Variants in FBXO36 observed in about 807,000 individuals in gnomAD.
FBXO36 encodes F-box only protein 36.
FBXO36 carries 18 observed loss-of-function variants against 17.0 expected under a neutral mutation model. That is an observed-to-expected ratio of 1.06 (90% CI 0.73 to 1.57). FBXO36 has a LOEUF of 1.57. FBXO36 is among the 40% of genes most tolerant of loss of function. The pLI, the probability that FBXO36 is intolerant of heterozygous loss-of-function variation, is 0.00. For missense variants in FBXO36, 229 were observed against 221.9 expected (o/e 1.03, Z -0.20); for synonymous variants, 83 against 85.3 (o/e 0.97, Z 0.15).
chr2:229,946,412 C>T (rs2077027400), intron 1 of FBXO36, among the ~76,000 whole-genome samples: 1 of 152,220 alleles, frequency 6.6e-6, no homozygotes, highest in African/African-American at 2.4e-5. Flanking sequence ...GATCTGCCTG[C>T]ATCTCTGCCA....
chr2:229,972,384 AGATTAT>A (rs2077185377), intron 1 of FBXO36, among the ~76,000 whole-genome samples: 1 of 152,172 alleles, frequency 6.6e-6, no homozygotes, highest in Non-Finnish European at 1.5e-5. Flanking sequence ...TTATCTTTGA[AGATTAT>A]GATTAGGAAA....
rs191725762 is a variant in FBXO36 at position 229,992,761 on chromosome 2, C to A, written c.206-3990C>A. Among the ~76,000 whole-genome samples, 22 of 152,286 alleles carry A rather than the reference C, an allele frequency of 1.4e-4. No individual in the cohort carries two copies. In the East Asian group the frequency reaches 3.9e-3, roughly 27 times the overall value. On this transcript the variant is annotated intron_variant, in intron 2 of 3. Coordinates refer to ENST00000283946, the MANE Select transcript of FBXO36 (RefSeq NM_174899.5). Reference sequence around the variant, plus strand: ...TTCCAGTGGACCAGAAATTTGGGAGCAACTTAACTGAGTGGTTCTGATTAG... The same window carrying A: ...TTCCAGTGGACCAGAAATTTGGGAGAAACTTAACTGAGTGGTTCTGATTAG...
intron 1 of FBXO36, among the ~76,000 whole-genome samples, chr2:229,951,152 C>T (rs539733331): frequency 1.2e-3 from 181 of 152,148 alleles, no homozygotes; most frequent in African/African-American, 4.2e-3. Context: ...CTAGGATGGT[C>T]TCGATATCCT....
At chr2:229,941,299 C>CA (rs550074431) in intron 1 of FBXO36, among the ~76,000 whole-genome samples, 1,602 of 151,966 alleles carry the variant, frequency 0.011, 33 homozygotes, top group African/African-American at 0.037. Flanking sequence ...ACTAAAAATA[C>CA]AAAAAATTAG....
chr2:229,967,573 A>C (rs1282714804), intron 1 of FBXO36, among the ~76,000 whole-genome samples: 1 of 152,176 alleles, frequency 6.6e-6, no homozygotes, highest in East Asian at 1.9e-4. Context: ...ATTTATTGAG[A>C]GTTTTTAGCA....
At chr2:229,979,851 A>G (rs1284074707) in intron 2 of FBXO36, among the ~76,000 whole-genome samples, 1 of 152,148 alleles carries the variant, frequency 6.6e-6, no homozygotes, top group Non-Finnish European at 1.5e-5. Flanking sequence ...ATAATGAAAA[A>G]GAGAAGAAAA....
chr2:229,979,532 C>A (rs958206990), intron 2 of FBXO36, among the ~76,000 whole-genome samples: 1 of 151,832 alleles, frequency 6.6e-6, no homozygotes, highest in Non-Finnish European at 1.5e-5. Flanking sequence ...ATAATCCCAG[C>A]ACTTTGGGAG....
rs148480912 is a variant in FBXO36, at chr2:229,931,403, T to G, written c.96+8794T>G. On this transcript the variant is annotated intron_variant, in intron 1 of 3. Transcript: ENST00000283946. ...AGTAGAGCACTTAATTGGAAGTCAC[T>G]GAGTCACGGATCCTTTCATTCCTCC... 5.3e-5 allele frequency among the ~76,000 whole-genome samples: 8 copies of G among 152,322 alleles called. No individual in the cohort carries two copies. The East Asian group carries it at 1.5e-3, about 29-fold the overall frequency.
Position 229,989,078 on chromosome 2 carries a change from C to A in FBXO36, c.206-7673C>A, listed in dbSNP as rs139306084. 5.9e-5 allele frequency among the ~76,000 whole-genome samples: 9 copies of A among 151,926 alleles called. No individual in the cohort carries two copies. The East Asian group carries it at 1.7e-3, about 29-fold the overall frequency. ...GATCATTTCAGTGTGAGATTGCTGG[C>A]CAAAAGATAAATGCTTACTAAGTTA... On this transcript the variant is annotated intron_variant, in intron 2 of 3. Coordinates refer to ENST00000283946, the MANE Select transcript of FBXO36 (RefSeq NM_174899.5).
At chr2:229,929,879 G>C (rs1338311365) in intron 1 of FBXO36, among the ~76,000 whole-genome samples, 1 of 152,078 alleles carries the variant, frequency 6.6e-6, no homozygotes, top group African/African-American at 2.4e-5. Context: ...AGAATATTTT[G>C]CAGACTTCTA....
chr2:229,972,709 A>C (rs1414466127), intron 1 of FBXO36, among the ~76,000 whole-genome samples: 1 of 151,940 alleles, frequency 6.6e-6, no homozygotes, highest in Non-Finnish European at 1.5e-5. Context: ...GTGAGCCACC[A>C]CGCCCAGCTC....
intron 1 of FBXO36, chr2:229,939,294 T>C (rs2076984726): frequency 1.0e-6 from 1 of 982,004 alleles, no homozygotes; most frequent in African/African-American, 1.7e-5. Flanking sequence ...TTTTTGCACA[T>C]TTTCTTGCCC....
intron 3 of FBXO36, among the ~76,000 whole-genome samples, chr2:230,008,145 TGG>T (rs748554223): frequency 5.9e-5 from 9 of 152,078 alleles, no homozygotes; most frequent in Non-Finnish European, 7.4e-5. Flanking sequence ...GCAGGCAGTG[TGG>T]TGTGTTTAAA....
At chr2:229,999,441 C>T in intron 3 of FBXO36, among the ~76,000 whole-genome samples, 1 of 145,924 alleles carries the variant, frequency 6.9e-6, no homozygotes, top group Non-Finnish European at 1.5e-5. Context: ...GTAATATAAT[C>T]TGTATTATAG....
chr2:229,983,081 C>T (rs1420573495), intron 2 of FBXO36, among the ~76,000 whole-genome samples: 1 of 151,882 alleles, frequency 6.6e-6, no homozygotes, highest in African/African-American at 2.4e-5. Context: ...CTCCTGGGCT[C>T]AAACAATCCT....
chr2:229,962,174 CAA>C (rs763780236), intron 1 of FBXO36, among the ~76,000 whole-genome samples: 8 of 126,936 alleles, frequency 6.3e-5, no homozygotes, highest in Admixed American at 8.0e-5. Flanking sequence ...CAGAGTATCT[CAA>C]AAAAAAAAAA....
At chr2:229,999,932 C>T (rs1317224674) in intron 3 of FBXO36, among the ~76,000 whole-genome samples, 3 of 152,040 alleles carry the variant, frequency 2.0e-5, no homozygotes, top group African/African-American at 7.2e-5. Flanking sequence ...CATCATTTAG[C>T]TCCCCAAAAT....
Position 230,010,837 on chromosome 2 carries a change from C to T in FBXO36, c.520C>T (p.Arg174Cys), listed in dbSNP as rs1487679217. 12 of 1,613,600 alleles carry T rather than the reference C, an allele frequency of 7.4e-6. No individual in the cohort carries two copies. Among genetic ancestry groups the T allele is most frequent in the South Asian group, 6.6e-5 (6 of 91,004 alleles). Residue 174 changes from arginine to cysteine, a missense_variant, in exon 4 of 4, where the codon CGC becomes TGC. Arg to Cys is a radical substitution (Grantham distance 180). Coordinates refer to ENST00000283946, the MANE Select transcript of FBXO36 (RefSeq NM_174899.5). ...CAAGCTCCAGCTCCAGCGGCAGCTC[C>T]GCAAGAGGAAACAAAAATATGGAAA... ...TNKLQLQRQL[R>C]KRKQKYGNLR...
intron 1 of FBXO36, among the ~76,000 whole-genome samples, chr2:229,973,768 T>G (rs991691766): frequency 6.7e-6 from 1 of 149,650 alleles, no homozygotes; most frequent in Non-Finnish European, 1.5e-5. Context: ...TCTATTCGGC[T>G]GGGCACAGTG....
Sources: gnomAD v4.1 joint callset for allele counts (sites outside exome capture counted in the v4.1 genomes callset) on GRCh38, gnomAD v4.1.1 for gene constraint, MANE v1.5 for transcripts, NCBI Gene and HGNC (gene_info 2026-07-23, HGNC 2026-07-21) for gene names.